OR2A25: variants seen among roughly 807,000 people sequenced by gnomAD.
The protein encoded by OR2A25 is olfactory receptor 2A25.
For missense variants in OR2A25, 362 were observed against 368.3 expected (o/e 0.98, Z 0.14); for synonymous variants, 162 against 148.1 (o/e 1.09, Z -0.68).
rs770094882 is a variant in OR2A25, at chr7:144,074,822, G to A, written c.603G>A (p.Gly201=). Residue 201 remains glycine, a synonymous_variant, in exon 2 of 2, where the codon GGG becomes GGA. Transcript: ENST00000641663. The part of the protein sequence containing the change: ...THINEVMVLA[G]AVSVLVGAFF... ...TTAATGAGGTAATGGTTTTGGCAGG[G>A]GCAGTGTCTGTGCTGGTGGGAGCCT... The A allele has an allele frequency of 6.2e-7, 1 of 1,614,180 alleles. No homozygotes were observed. The highest frequency in any genetic ancestry group is 8.5e-7 in the Non-Finnish European group (1 of 1,180,030).
In OR2A25 at chr7:144,074,277, C is replaced by T. The variant is rs2051089380; in HGVS notation, c.58C>T (p.Pro20Ser). ...EFLLLGFPIG[P>S]RIQMLLFGLF... ...CCTCCTACTGGGATTTCCCATTGGC[C>T]CAAGGATTCAGATGCTCCTCTTTGG... The change falls in exon 2 of 2, where the codon CCA becomes TCA. Residue 20 changes from proline to serine, a missense_variant. Transcript: ENST00000641663. 1.9e-6 allele frequency: 3 copies of T among 1,613,846 alleles called. No individual in the cohort carries two copies. Among genetic ancestry groups the T allele is most frequent in the Non-Finnish European group, 2.5e-6 (3 of 1,179,880 alleles).
Position 144,075,318 on chromosome 7 carries a change from A to G in OR2A25, c.*166A>G. 1.7e-6 allele frequency: 1 copy of G among 588,914 alleles called. No individual in the cohort carries two copies. Among genetic ancestry groups the G allele is most frequent in the Non-Finnish European group, 3.0e-6 (1 of 333,536 alleles). The allele number at this position is 588,914 out of a possible 1,614,324, so 36.5% of individuals were successfully genotyped here. ...AAGCCCATTCTGCTTTCCTCTCTCC[A>G]GCATTGAAGGTCGGAGCTGCACAAT... On this transcript the variant is annotated 3_prime_UTR_variant, in exon 2 of 2. Transcript: ENST00000641663.
In OR2A25 at chr7:144,069,900, A is replaced by T. The variant is rs2051053081; in HGVS notation, c.-5+4A>T. 2 of 152,124 alleles carry T rather than the reference A, an allele frequency of 1.3e-5. No homozygotes were observed. The highest frequency in any genetic ancestry group is 1.3e-4 in the Admixed American group (2 of 15,262). 9.4% of individuals were successfully genotyped at this position (152,124 alleles called of 1,614,324 possible). On this transcript the variant is annotated splice_donor_region_variant and intron_variant, in intron 1 of 1. Transcript: ENST00000641663. ...AACAAGTGAATCTATTTGGAAGGTT[A>T]GTAGGTGGGGATATTTTGGAGTTCC...
rs201188715 is a variant in OR2A25, at chr7:144,074,670, G to A, written c.451G>A (p.Gly151Arg). Residue 151 changes from glycine (G) to arginine (R), a missense_variant, in exon 2 of 2, where the codon GGA becomes AGA. Coordinates refer to ENST00000641663, the MANE Select transcript of OR2A25 (RefSeq NM_001386096.1). ...ITLALTSWIL[G>R]VLLALVHLVL... ...TTTGGCATTGACTTCCTGGATTTTA[G>A]GAGTCTTATTGGCCCTTGTCCATCT... 21 of 1,614,182 alleles carry A rather than the reference G, an allele frequency of 1.3e-5. No homozygotes were observed. Among genetic ancestry groups the A allele is most frequent in the Middle Eastern group, 1.6e-4 (1 of 6,062 alleles).
Position 144,075,098 on chromosome 7 carries a change from C to T in OR2A25, c.879C>T (p.Asn293=). 1 of 1,613,960 alleles carries T rather than the reference C, an allele frequency of 6.2e-7. No homozygotes were observed. Among genetic ancestry groups the T allele is most frequent in the Non-Finnish European group, 8.5e-7 (1 of 1,179,906 alleles). The change falls in exon 2 of 2, where the codon AAC becomes AAT. Residue 293 remains asparagine (N), a synonymous_variant. Coordinates refer to ENST00000641663, the MANE Select transcript of OR2A25 (RefSeq NM_001386096.1). The part of the protein sequence containing the change: ...MLNPLIYSLR[N]KEVQGTLKRM... ...ATCCCCTAATTTATAGTCTTAGGAA[C>T]AAGGAAGTCCAAGGTACTCTAAAGA...
At chr7:144,072,254 AG>A (rs2051072498) in intron 1 of OR2A25, among the ~76,000 whole-genome samples, 1 of 152,066 alleles carries the variant, frequency 6.6e-6, no homozygotes, top group African/African-American at 2.4e-5. Flanking sequence ...CTATAGAGTC[AG>A]GCAAAAAAAC....
rs2051098494 is a variant in OR2A25 at position 144,074,793 on chromosome 7, C to A, written c.574C>A (p.His192Asn). The change falls in exon 2 of 2, where the codon CAC (histidine) becomes AAC (asparagine). Residue 192 changes from histidine (H) to asparagine (N), a missense_variant. Physicochemically the swap from His to Asn is moderately conservative, Grantham distance 68 (BLOSUM62 1). Transcript: ENST00000641663. ...AVLKLACADT[H>N]INEVMVLAGA... ...TCTCAAACTTGCCTGTGCGGATACC[C>A]ACATTAATGAGGTAATGGTTTTGGC... The A allele has an allele frequency of 1.2e-6, 2 of 1,614,016 alleles. No homozygotes were observed. Among genetic ancestry groups the A allele is most frequent in the East Asian group, 4.5e-5 (2 of 44,888 alleles).
rs1171209091 is a variant in OR2A25, at chr7:144,075,755, GGA to G, written c.*607_*608del. 1 of 152,052 alleles carries G rather than the reference GGA, an allele frequency of 6.6e-6. No individual in the cohort carries two copies. Among genetic ancestry groups the G allele is most frequent in the Non-Finnish European group, 1.5e-5 (1 of 68,110 alleles). 9.4% of individuals were successfully genotyped at this position (152,052 alleles called of 1,614,324 possible). ...GAGGCAGGAGAATGGCGCGAACCCT[GGA>G]GAGGCGGAGCTTGCAGTGAGCTGAG... On this transcript the variant is annotated 3_prime_UTR_variant, in exon 2 of 2. Coordinates refer to ENST00000641663, the MANE Select transcript of OR2A25 (RefSeq NM_001386096.1).
intron 1 of OR2A25, chr7:144,070,390 T>A (rs776539267): frequency 2.0e-5 from 3 of 152,254 alleles, no homozygotes; most frequent in Non-Finnish European, 4.4e-5. Flanking sequence ...TGATGTAAAA[T>A]GTAAGTTTTT....
At chr7:144,072,189 G>A (rs2051071906) in intron 1 of OR2A25, among the ~76,000 whole-genome samples, 1 of 151,938 alleles carries the variant, frequency 6.6e-6, no homozygotes, top group Non-Finnish European at 1.5e-5. Flanking sequence ...ACTCAATTAT[G>A]AATTTTTCTG....
At position 144,074,390 on chromosome 7, in the gene OR2A25, C is replaced by G; in HGVS notation, c.171C>G (p.Pro57=). Residue 57 remains proline, a synonymous_variant, in exon 2 of 2, where the codon CCC becomes CCG. Transcript: ENST00000641663. ...CACTGGACTCCAGACTCCACACCCC[C>G]ATGTACTTCTTCCTCTCACACCTGG... is the stretch of plus-strand genomic sequence containing the variant. ...LISLDSRLHT[P]MYFFLSHLAV... The G allele has an allele frequency of 6.2e-7, 1 of 1,614,168 alleles. No individual in the cohort carries two copies. The highest frequency in any genetic ancestry group is 8.5e-7 in the Non-Finnish European group (1 of 1,180,014).
Position 144,075,651 on chromosome 7 carries a change from A to G in OR2A25, c.*499A>G, listed in dbSNP as rs1013995920. On this transcript the variant is annotated 3_prime_UTR_variant, in exon 2 of 2. Transcript: ENST00000641663. ...GAGACCATCTTGGCTAACACGGTGAAACCCCGTTTCTACTAAAAATACAAA... is the reference window on the plus strand; with the variant it reads ...GAGACCATCTTGGCTAACACGGTGAGACCCCGTTTCTACTAAAAATACAAA... 2 of 152,144 alleles carry G rather than the reference A, an allele frequency of 1.3e-5. No individual in the cohort carries two copies. Among genetic ancestry groups the G allele is most frequent in the African/African-American group, 2.4e-5 (1 of 41,278 alleles). 9.4% of individuals were successfully genotyped at this position (152,144 alleles called of 1,614,324 possible).
intron 1 of OR2A25, among the ~76,000 whole-genome samples, chr7:144,073,333 T>C (rs978289402): frequency 6.6e-6 from 1 of 152,100 alleles, no homozygotes; most frequent in Non-Finnish European, 1.5e-5. Context: ...AATGAGTATA[T>C]TAAATTATCG....
Position 144,073,127 on chromosome 7 carries a change from G to A in OR2A25, c.-4-1089G>A, listed in dbSNP as rs529075113. ...AAACAAAAGAGAAGTTGACTAATGA[G>A]TACAAACATATGGTTTCATAGAAGA... On this transcript the variant is annotated intron_variant, in intron 1 of 1. Coordinates refer to ENST00000641663, the MANE Select transcript of OR2A25 (RefSeq NM_001386096.1). Among the ~76,000 whole-genome samples the A allele has an allele frequency of 7.9e-5, 12 of 152,146 alleles. No individual in the cohort carries two copies. In the South Asian group the frequency reaches 2.3e-3, roughly 29 times the overall value.
chr7:144,072,439 T>G (rs1255873372), intron 1 of OR2A25, among the ~76,000 whole-genome samples: 1 of 152,126 alleles, frequency 6.6e-6, no homozygotes, highest in Non-Finnish European at 1.5e-5. Context: ...TGTTAAACAT[T>G]CTATGAATAT....
intron 1 of OR2A25, among the ~76,000 whole-genome samples, chr7:144,070,111 A>G (rs2051054320): frequency 6.6e-6 from 1 of 152,078 alleles, no homozygotes; most frequent in East Asian, 1.9e-4. Flanking sequence ...CCTTTTCCCT[A>G]GGACAGGAGC....
At chr7:144,070,993 T>C (rs2051061933) in intron 1 of OR2A25, among the ~76,000 whole-genome samples, 1 of 152,084 alleles carries the variant, frequency 6.6e-6, no homozygotes, top group Non-Finnish European at 1.5e-5. Context: ...TTAATGTGAA[T>C]GTAATCCAAT....
intron 1 of OR2A25, among the ~76,000 whole-genome samples, chr7:144,071,874 C>G (rs2051069821): frequency 6.6e-6 from 1 of 152,050 alleles, no homozygotes; most frequent in African/African-American, 2.4e-5. Context: ...CCACTGAATC[C>G]TATTGTTGGA....
rs2051066543 is a variant in OR2A25, at chr7:144,071,460, T to A, written c.-5+1564T>A. On this transcript the variant is annotated intron_variant, in intron 1 of 1. Coordinates refer to ENST00000641663, the MANE Select transcript of OR2A25 (RefSeq NM_001386096.1). ...TAGCTTGCTTCCAATTATTAGCTAT[T>A]GTAAACAGTGCTGCAACATAGGAGT... Among the ~76,000 whole-genome samples, 3 of 152,172 alleles carry A rather than the reference T, an allele frequency of 2.0e-5. No homozygotes were observed. The South Asian group carries it at 6.2e-4, about 32-fold the overall frequency.
Sources: gnomAD v4.1 joint callset for allele counts (sites outside exome capture counted in the v4.1 genomes callset) on GRCh38, gnomAD v4.1.1 for gene constraint, MANE v1.5 for transcripts, NCBI Gene and HGNC (gene_info 2026-07-23, HGNC 2026-07-21) for gene names.